Variants in OXR1 observed in about 807,000 individuals in gnomAD.
OXR1 encodes oxidation resistance protein 1.
A neutral mutation model predicts 104.6 loss-of-function variants in OXR1; 41 were observed. The ratio of observed to expected loss-of-function variants is 0.39; its 90% CI spans 0.31 to 0.51. OXR1 has a LOEUF of 0.51. OXR1 is among the 20% of genes least tolerant of loss of function. The pLI, the probability that OXR1 is intolerant of heterozygous loss-of-function variation, is 0.77. For synonymous variants in OXR1, 348 were observed against 348.4 expected, an observed-to-expected ratio of 1.00 and a Z score of 0.01; for missense variants, 955 against 1,031.9, an observed-to-expected ratio of 0.93 and a Z score of 1.02.
At chr8:106,424,408 T>C (rs1046107109) in intron 2 of OXR1, among the ~76,000 whole-genome samples, 3 of 152,330 alleles carry the variant, frequency 2.0e-5, no homozygotes, top group African/African-American at 4.8e-5. Context: ...CCTACTAAAA[T>C]ATATAGTATG....
At chr8:106,558,958 G>C (rs1586810259) in intron 3 of OXR1, among the ~76,000 whole-genome samples, 1 of 152,188 alleles carries the variant, frequency 6.6e-6, no homozygotes, top group Admixed American at 6.6e-5. Context: ...GGTAGTGATG[G>C]TGTCTTTTCC....
At chr8:106,615,793 T>C (rs907951527) in intron 3 of OXR1, among the ~76,000 whole-genome samples, 1 of 152,166 alleles carries the variant, frequency 6.6e-6, no homozygotes, top group East Asian at 1.9e-4. Context: ...TGTCATTAAT[T>C]TTCTATACAT....
chr8:106,313,003 G>A (rs1813773396), intron 1 of OXR1, among the ~76,000 whole-genome samples: 1 of 152,070 alleles, frequency 6.6e-6, no homozygotes, highest in African/African-American at 2.4e-5. Context: ...TAAGAAAAGT[G>A]ATTATTAGAA....
chr8:106,371,257 CTT>C (rs1018129623), intron 2 of OXR1, among the ~76,000 whole-genome samples: 1 of 151,894 alleles, frequency 6.6e-6, no homozygotes, highest in Non-Finnish European at 1.5e-5. Flanking sequence ...ATCCCTTTAT[CTT>C]TTTTTATTGT....
At chr8:106,549,863 A>C (rs1050185358) in intron 3 of OXR1, among the ~76,000 whole-genome samples, 1 of 152,138 alleles carries the variant, frequency 6.6e-6, no homozygotes, top group African/African-American at 2.4e-5. Context: ...TTAAGTGTCA[A>C]CATATGACTT....
chr8:106,397,468 A>G (rs1180941365), intron 2 of OXR1, among the ~76,000 whole-genome samples: 3 of 152,128 alleles, frequency 2.0e-5, no homozygotes, highest in Non-Finnish European at 2.9e-5. Context: ...TAGTGGTGGC[A>G]TTCTAGTCAT....
intron 2 of OXR1, among the ~76,000 whole-genome samples, chr8:106,434,474 G>C (rs1046451305): frequency 6.6e-6 from 1 of 152,174 alleles, no homozygotes; most frequent in African/African-American, 2.4e-5. Context: ...CAAAAGAATA[G>C]TAGCTTTTAT....
Position 106,741,117 on chromosome 8 carries a change from A to G in OXR1, c.2316+622A>G, listed in dbSNP as rs1425151455. Among the ~76,000 whole-genome samples the G allele has an allele frequency of 2.6e-5, 4 of 152,200 alleles. No homozygotes were observed. The East Asian group carries it at 7.7e-4, about 29-fold the overall frequency. On this transcript the variant is annotated intron_variant, in intron 14 of 16. Coordinates refer to ENST00000517566, the MANE Select transcript of OXR1 (RefSeq NM_001198533.2). The stretch of plus-strand genomic sequence containing the variant: ...ATTGATACTGTTATCTTTATATTAA[A>G]GAATGAGTCAACTATGACATAAGCT...
chr8:106,504,036 T>C (rs1286722858), intron 2 of OXR1, among the ~76,000 whole-genome samples: 2 of 152,028 alleles, frequency 1.3e-5, no homozygotes, highest in Non-Finnish European at 2.9e-5. Flanking sequence ...CCTAACAAAA[T>C]ACAAAGAGCT....
At position 106,290,291 on chromosome 8, in the gene OXR1, G is replaced by A. The variant is rs1044291618; in HGVS notation, c.-139+19924G>A. Among the ~76,000 whole-genome samples the A allele has an allele frequency of 5.3e-5, 8 of 152,046 alleles. No individual in the cohort carries two copies. In the East Asian group the frequency reaches 5.8e-4, roughly 11 times the overall value. On this transcript the variant is annotated intron_variant, in intron 1 of 16. Coordinates refer to ENST00000517566, the MANE Select transcript of OXR1 (RefSeq NM_001198533.2). ...TGGACCCTTACTTTTCACCAAATACGATAATTAACTCAAGTTGGATTAAAA... is the reference window on the plus strand; with the variant it reads ...TGGACCCTTACTTTTCACCAAATACAATAATTAACTCAAGTTGGATTAAAA...
chr8:106,573,089 C>T (rs1005552073), intron 3 of OXR1, among the ~76,000 whole-genome samples: 1 of 152,086 alleles, frequency 6.6e-6, no homozygotes, highest in Admixed American at 6.6e-5. Context: ...ATTATTATCC[C>T]AGCTCAAGCA....
chr8:106,451,819 A>G (rs910324572), intron 2 of OXR1, among the ~76,000 whole-genome samples: 1 of 152,350 alleles, frequency 6.6e-6, no homozygotes, highest in Non-Finnish European at 1.5e-5. Flanking sequence ...TAAAATAAGA[A>G]TATTCAAAAA....
intron 2 of OXR1, among the ~76,000 whole-genome samples, chr8:106,442,250 C>A (rs1175388678): frequency 6.6e-6 from 1 of 152,126 alleles, no homozygotes; most frequent in African/African-American, 2.4e-5. Context: ...GCCTTGCATC[C>A]TAGGGATGAA....
chr8:106,623,462 C>T (rs17342815), intron 3 of OXR1, among the ~76,000 whole-genome samples: 6,836 of 151,414 alleles, frequency 0.045, 186 homozygotes, highest in South Asian at 0.078. Context: ...TGTAATAAGT[C>T]GGCACTCTGA....
At chr8:106,273,241 A>G (rs975978101) in intron 1 of OXR1, among the ~76,000 whole-genome samples, 10 of 150,668 alleles carry the variant, frequency 6.6e-5, no homozygotes, top group Non-Finnish European at 1.5e-4. Context: ...AAGTCATTAC[A>G]AAGAAAAAAA....
At chr8:106,308,652 C>T (rs1345918738) in intron 1 of OXR1, among the ~76,000 whole-genome samples, 1 of 152,108 alleles carries the variant, frequency 6.6e-6, no homozygotes, top group Non-Finnish European at 1.5e-5. Context: ...AATATCTAAA[C>T]ATCAGGAAGC....
intron 2 of OXR1, among the ~76,000 whole-genome samples, chr8:106,431,475 A>G (rs1413823533): frequency 6.6e-6 from 1 of 152,226 alleles, no homozygotes; most frequent in East Asian, 1.9e-4. Context: ...TTACAGGAAT[A>G]AAACGAATGA....
At chr8:106,353,121 C>A (rs1815805274) in intron 1 of OXR1, among the ~76,000 whole-genome samples, 1 of 152,134 alleles carries the variant, frequency 6.6e-6, no homozygotes, top group African/African-American at 2.4e-5. Flanking sequence ...CAGAGGAGGG[C>A]AGATCATCTG....
At chr8:106,628,973 C>T (rs184724526) in intron 3 of OXR1, among the ~76,000 whole-genome samples, 4 of 152,272 alleles carry the variant, frequency 2.6e-5, no homozygotes, top group African/African-American at 9.6e-5. Flanking sequence ...TTTAACTGCA[C>T]TAACACTTCA....
Sources: gnomAD v4.1 joint callset for allele counts (sites outside exome capture counted in the v4.1 genomes callset) on GRCh38, gnomAD v4.1.1 for gene constraint, MANE v1.5 for transcripts, NCBI Gene and HGNC (gene_info 2026-07-23, HGNC 2026-07-21) for gene names.